CDH8: variants seen among roughly 807,000 people sequenced by gnomAD.
CDH8 encodes the protein cadherin-8.
Under a neutral mutation model 68.1 loss-of-function variants are expected in CDH8, and 17 were observed. That is an observed-to-expected ratio of 0.25 (90% CI 0.17 to 0.37). The LOEUF (loss-of-function observed/expected upper bound fraction) is 0.37. Among genes scored for constraint, CDH8 ranks in the 10% least tolerant of loss-of-function variants. CDH8 has a pLI of 1.00. For synonymous variants in CDH8, 372 were observed against 365.1 expected (o/e 1.02, Z -0.21); for missense variants, 763 against 999.3 (o/e 0.76, Z 3.19).
intron 3 of CDH8, among the ~76,000 whole-genome samples, chr16:61,890,052 G>T (rs1282757948): frequency 6.6e-6 from 1 of 152,168 alleles, no homozygotes; most frequent in East Asian, 1.9e-4. Flanking sequence ...CTTCAGAAGG[G>T]CTCAGAGAAG....
chr16:61,810,870 A>G (rs1961927224), intron 7 of CDH8, among the ~76,000 whole-genome samples: 1 of 151,956 alleles, frequency 6.6e-6, no homozygotes, highest in African/African-American at 2.4e-5. Context: ...TAAAAATACA[A>G]AAAATTAGCC....
intron 1 of CDH8, among the ~76,000 whole-genome samples, chr16:62,031,772 A>G (rs1902332818): frequency 8.2e-6 from 1 of 122,230 alleles, no homozygotes; most frequent in Admixed American, 8.0e-5. Context: ...CAGGAAATAA[A>G]GCTTAAAACT....
intron 2 of CDH8, among the ~76,000 whole-genome samples, chr16:61,911,683 G>T (rs927628258): frequency 1.3e-5 from 2 of 150,214 alleles, no homozygotes; most frequent in Non-Finnish European, 3.0e-5. Flanking sequence ...TAGAGATATA[G>T]ATATGTGTAT....
At chr16:61,784,744 A>G (rs1048885605) in intron 8 of CDH8, among the ~76,000 whole-genome samples, 2 of 150,422 alleles carry the variant, frequency 1.3e-5, no homozygotes, top group African/African-American at 4.9e-5. Context: ...TGTCTCTCAG[A>G]CCACAGTGCA....
At chr16:61,766,463 G>C (rs772608384) in intron 8 of CDH8, among the ~76,000 whole-genome samples, 2 of 151,866 alleles carry the variant, frequency 1.3e-5, no homozygotes, top group East Asian at 3.9e-4. Flanking sequence ...ACATGCAGGT[G>C]CCTTTTTGAT....
At chr16:61,843,571 G>C (rs1226391444) in intron 4 of CDH8, among the ~76,000 whole-genome samples, 1 of 152,146 alleles carries the variant, frequency 6.6e-6, no homozygotes, top group Non-Finnish European at 1.5e-5. Context: ...ATACCAAGTT[G>C]TCTCCCCTGA....
chr16:61,972,672 G>A lies in CDH8; in HGVS notation c.252+48480C>T, dbSNP rs886313534. On this transcript the variant is annotated intron_variant, in intron 2 of 11. Coordinates refer to ENST00000577390, the MANE Select transcript of CDH8 (RefSeq NM_001796.5). ...AACCTTCTCCATGAAAATGTAATTG[G>A]ACCATGAGCAGGAATATGACCCAAT... Among the ~76,000 whole-genome samples, 12 of 150,786 alleles carry A rather than the reference G, an allele frequency of 8.0e-5. No homozygotes were observed. In the South Asian group the frequency reaches 1.9e-3, roughly 24 times the overall value.
intron 2 of CDH8, among the ~76,000 whole-genome samples, chr16:62,019,036 T>A (rs1902010178): frequency 6.6e-6 from 1 of 152,176 alleles, no homozygotes; most frequent in Non-Finnish European, 1.5e-5. Context: ...TGTTTTGTTA[T>A]TTACATTATG....
chr16:61,951,671 A>G (rs1410887543), intron 2 of CDH8, among the ~76,000 whole-genome samples: 1 of 152,170 alleles, frequency 6.6e-6, no homozygotes, highest in African/African-American at 2.4e-5. Context: ...ACATTTTACT[A>G]TACTGAAGTC....
At chr16:61,784,042 C>A (rs1302884608) in intron 8 of CDH8, among the ~76,000 whole-genome samples, 4 of 151,836 alleles carry the variant, frequency 2.6e-5, no homozygotes, top group Admixed American at 1.3e-4. Context: ...CGAGCAAAAT[C>A]ACCAGCTAAC....
intron 2 of CDH8, among the ~76,000 whole-genome samples, chr16:61,982,666 T>G (rs1965558849): frequency 6.6e-6 from 1 of 152,196 alleles, no homozygotes; most frequent in African/African-American, 2.4e-5. Context: ...AAATGCCAGG[T>G]CCATAGACAG....
intron 10 of CDH8, among the ~76,000 whole-genome samples, chr16:61,669,460 G>T (rs1963747604): frequency 6.6e-6 from 1 of 151,960 alleles, no homozygotes; most frequent in South Asian, 2.1e-4. Flanking sequence ...GTGCATCCTA[G>T]AATCTGTTAT....
chr16:61,889,739 C>T (rs1436334250), intron 3 of CDH8, among the ~76,000 whole-genome samples: 1 of 152,122 alleles, frequency 6.6e-6, no homozygotes, highest in Non-Finnish European at 1.5e-5. Flanking sequence ...ACTCTAGACA[C>T]ACATGTGGCT....
chr16:61,854,566 C>T (rs752216370), intron 4 of CDH8, among the ~76,000 whole-genome samples: 10 of 152,112 alleles, frequency 6.6e-5, no homozygotes, highest in Admixed American at 3.3e-4. Context: ...CCCTAATAAG[C>T]CATTGGCACT....
chr16:61,653,249 A>G lies in CDH8; in HGVS notation c.*359T>C. On this transcript the variant is annotated 3_prime_UTR_variant, in exon 12 of 12. Coordinates refer to ENST00000577390, the MANE Select transcript of CDH8 (RefSeq NM_001796.5). The stretch of plus-strand genomic sequence containing the variant: ...AGCAGCAGATTCCTTGCAGGTCCGT[A>G]TTTTTTTTTCTAAGAAAGCACCTTT... 1 of 1,165,562 alleles carries G rather than the reference A, an allele frequency of 8.6e-7. No individual in the cohort carries two copies. Among genetic ancestry groups the G allele is most frequent in the Non-Finnish European group, 1.1e-6 (1 of 947,020 alleles). 72.2% of individuals were successfully genotyped at this position (1,165,562 alleles called of 1,614,324 possible).
chr16:61,899,222 T>TA (rs1315844026), intron 3 of CDH8, among the ~76,000 whole-genome samples: 1 of 152,172 alleles, frequency 6.6e-6, no homozygotes. Flanking sequence ...AGTGAGAACA[T>TA]ACAGTGTTTT....
intron 9 of CDH8, 120 bp downstream of exon 9, chr16:61,726,974 T>A: frequency 9.4e-7 from 1 of 1,067,050 alleles, no homozygotes; most frequent in Non-Finnish European, 1.4e-6. Flanking sequence ...TTTGGATGTG[T>A]TTCTTGCCTG....
chr16:61,860,092 C>T (rs1963123074), intron 3 of CDH8, among the ~76,000 whole-genome samples: 1 of 152,132 alleles, frequency 6.6e-6, no homozygotes, highest in Non-Finnish European at 1.5e-5. Context: ...CTGCCCACCT[C>T]TGCCTCCCAA....
At chr16:61,655,350 G>T in intron 11 of CDH8, 120 bp downstream of exon 11, 1 of 938,402 alleles carries the variant, frequency 1.1e-6, no homozygotes, top group Non-Finnish European at 1.6e-6. Context: ...AGAAGGAAAG[G>T]AAGTTCCTCT....
Sources: allele counts gnomAD v4.1 joint callset (sites outside exome capture counted in the v4.1 genomes callset), GRCh38; gene constraint gnomAD v4.1.1; transcripts MANE v1.5; gene names NCBI Gene and HGNC (gene_info 2026-07-23, HGNC 2026-07-21).